TAF12: variants seen among roughly 807,000 people sequenced by gnomAD.
The protein encoded by TAF12 is TATA-box binding protein associated factor 12.
A neutral mutation model predicts 20.8 loss-of-function variants in TAF12; 3 were observed. That is an observed-to-expected ratio of 0.14 (90% CI 0.07 to 0.37). The LOEUF (loss-of-function observed/expected upper bound fraction) is 0.37. Ranked by LOEUF, TAF12 falls within the 10% of genes least tolerant of loss-of-function variation. The pLI is 1.00. For missense variants in TAF12, 131 were observed against 197.9 expected (o/e 0.66, Z 2.03); for synonymous variants, 69 against 70.2 (o/e 0.98, Z 0.09).
Position 28,643,023 on chromosome 1 carries a change from A to G in TAF12, c.-116T>C, listed in dbSNP as rs940072105. The G allele has an allele frequency of 2.5e-5, 25 of 985,902 alleles. No homozygotes were observed. The African/African-American group carries it at 4.4e-4, about 17-fold the overall frequency. The allele number at this position is 985,902 out of a possible 1,614,324, so 61.1% of individuals were successfully genotyped here. On this transcript the variant is annotated 5_prime_UTR_variant, in exon 1 of 6. Transcript: ENST00000373824. Reference sequence around the variant, plus strand: ...CAGCGTCTATCTCCCCATGATATGCAGAGACTGCCCCAGTGAAGCGTTCGT... The same window carrying G: ...CAGCGTCTATCTCCCCATGATATGCGGAGACTGCCCCAGTGAAGCGTTCGT...
At chr1:28,608,213 C>T (rs900547988) in intron 4 of TAF12, among the ~76,000 whole-genome samples, 6 of 146,910 alleles carry the variant, frequency 4.1e-5, no homozygotes, top group Non-Finnish European at 7.5e-5. Flanking sequence ...GGTGTGGTGG[C>T]GGGCGCCTGT....
Position 28,614,278 on chromosome 1 carries a change from T to C in TAF12, c.247-917A>G, listed in dbSNP as rs2124316324. Among the ~76,000 whole-genome samples, 3 of 147,898 alleles carry C rather than the reference T, an allele frequency of 2.0e-5. No individual in the cohort carries two copies. In the South Asian group the frequency reaches 6.6e-4, roughly 32 times the overall value. On this transcript the variant is annotated intron_variant, in intron 3 of 5. Coordinates refer to ENST00000373824, the MANE Select transcript of TAF12 (RefSeq NM_005644.4). The stretch of plus-strand genomic sequence containing the variant: ...AATTAAAAAAATAATAACAAATAAA[T>C]AGAGGCCAGGCATGGTGGCTCACAC...
chr1:28,638,698 C>G (rs1304159904), intron 1 of TAF12, among the ~76,000 whole-genome samples: 4 of 151,026 alleles, frequency 2.6e-5, no homozygotes, highest in African/African-American at 9.8e-5. Flanking sequence ...GTTGGCCAGG[C>G]TGGTCTCGAA....
At chr1:28,627,756 A>C (rs1485926941) in intron 1 of TAF12, among the ~76,000 whole-genome samples, 7 of 152,038 alleles carry the variant, frequency 4.6e-5, no homozygotes, top group Non-Finnish European at 7.3e-5. Flanking sequence ...AACTCGACAA[A>C]AATTTACTGC....
intron 4 of TAF12, 103 bp downstream of exon 4, chr1:28,613,144 C>T: frequency 1.2e-6 from 1 of 868,100 alleles, no homozygotes; most frequent in Non-Finnish European, 1.7e-6. Context: ...TCCCAGTGCC[C>T]AAAAGTCTGG....
chr1:28,633,828 C>T (rs1168429398), intron 1 of TAF12, among the ~76,000 whole-genome samples: 1 of 150,902 alleles, frequency 6.6e-6, no homozygotes, highest in African/African-American at 2.4e-5. Flanking sequence ...AGGAGAATCG[C>T]TAGAATCCGG....
chr1:28,616,395 C>CAAAAA (rs534264411), intron 3 of TAF12, among the ~76,000 whole-genome samples: 1 of 73,212 alleles, frequency 1.4e-5, no homozygotes. Flanking sequence ...GATTCTGTCT[C>CAAAAA]AAAAAAAAAA....
intron 1 of TAF12, among the ~76,000 whole-genome samples, chr1:28,639,968 G>C (rs1245067455): frequency 6.6e-6 from 1 of 151,998 alleles, no homozygotes; most frequent in Non-Finnish European, 1.5e-5. Flanking sequence ...TCAGCCTCCA[G>C]AGTAGCTGGG....
At chr1:28,647,373 G>A (rs547116527), upstream of TAF12, among the ~76,000 whole-genome samples, 1 of 151,930 alleles carries the variant, frequency 6.6e-6, no homozygotes, top group Admixed American at 6.6e-5. Flanking sequence ...CTGTAGCCTT[G>A]ACTTCCCTGG....
rs999641520 is a variant in TAF12 at position 28,643,059 on chromosome 1, G to A, written c.-152C>T. On this transcript the variant is annotated 5_prime_UTR_variant, in exon 1 of 6. Coordinates refer to ENST00000373824, the MANE Select transcript of TAF12 (RefSeq NM_005644.4). ...CAGTGAAGCGTTCGTCTCAGCAGCC[G>A]GTCCGACTGCGCGGCCCTCCCCGAC... The A allele has an allele frequency of 7.1e-6, 7 of 985,752 alleles. No homozygotes were observed. Among genetic ancestry groups the A allele is most frequent in the African/African-American group, 3.5e-5 (2 of 57,242 alleles). 61.1% of individuals were successfully genotyped at this position (985,752 alleles called of 1,614,324 possible).
intron 5 of TAF12, 98 bp from the exon 6 acceptor site, chr1:28,603,672 G>A (rs2124284413): frequency 8.0e-7 from 1 of 1,251,338 alleles, no homozygotes; most frequent in Non-Finnish European, 1.2e-6. Context: ...GGTCTACACT[G>A]TAGGCCGCAG....
upstream of TAF12, among the ~76,000 whole-genome samples, chr1:28,647,909 CA>C (rs1278238060): frequency 2.0e-5 from 3 of 151,976 alleles, no homozygotes; most frequent in Non-Finnish European, 4.4e-5. Context: ...AGATCTACTT[CA>C]GTCATCTGAG....
intron 1 of TAF12, among the ~76,000 whole-genome samples, chr1:28,641,553 G>A (rs1043021176): frequency 6.6e-6 from 1 of 152,112 alleles, no homozygotes; most frequent in Non-Finnish European, 1.5e-5. Context: ...CAGCACTTTG[G>A]GAGGCCAAGG....
chr1:28,606,430 C>T (rs948918712), intron 4 of TAF12, among the ~76,000 whole-genome samples: 1 of 152,002 alleles, frequency 6.6e-6, no homozygotes, highest in East Asian at 1.9e-4. Context: ...TGAGCCACTG[C>T]GCCTGGCTGT....
At chr1:28,646,461 A>G (rs914992285), upstream of TAF12, 5 of 152,212 alleles carry the variant, frequency 3.3e-5, no homozygotes, top group Non-Finnish European at 7.3e-5. Context: ...TCCATGTATT[A>G]TTAAAATATA....
Position 28,621,823 on chromosome 1 carries a change from C to G in TAF12, c.168+91G>C. 2.7e-6 allele frequency: 4 copies of G among 1,504,196 alleles called. No individual in the cohort carries two copies. In the South Asian group the frequency reaches 5.4e-5, roughly 20 times the overall value. 93.2% of individuals were successfully genotyped at this position (1,504,196 alleles called of 1,614,324 possible). A position where few individuals can be genotyped will look rare whatever the true frequency, so the allele number is the denominator to read the frequency against. On this transcript the variant is annotated intron_variant, in intron 2 of 5. Transcript: ENST00000373824. ...GACCTTTTCGGCTAAGAGAAAAAAG[C>G]AGCATCTGAGATGGACATCTCTTAA...
intron 4 of TAF12, among the ~76,000 whole-genome samples, chr1:28,606,656 T>G (rs1342323023): frequency 6.6e-6 from 1 of 152,224 alleles, no homozygotes; most frequent in Non-Finnish European, 1.5e-5. Context: ...AAGGTTTCCA[T>G]GCAGCTTATC....
intron 4 of TAF12, among the ~76,000 whole-genome samples, chr1:28,607,679 A>G (rs893745887): frequency 6.6e-6 from 1 of 151,786 alleles, no homozygotes; most frequent in South Asian, 2.1e-4. Context: ...CTCAAAAAGA[A>G]AACTTTTTTT....
chr1:28,620,596 T>C (rs947626367), intron 2 of TAF12, among the ~76,000 whole-genome samples: 2 of 151,918 alleles, frequency 1.3e-5, no homozygotes, highest in South Asian at 2.1e-4. Context: ...CCACCACGCC[T>C]GGCTAATGTT....
Sources: allele counts gnomAD v4.1 joint callset (sites outside exome capture counted in the v4.1 genomes callset), GRCh38; gene constraint gnomAD v4.1.1; transcripts MANE v1.5; gene names NCBI Gene and HGNC (gene_info 2026-07-23, HGNC 2026-07-21).